Variants in TFEC observed in about 807,000 individuals in gnomAD.
TFEC encodes transcription factor EC.
TFEC carries 31 observed loss-of-function variants against 41.6 expected under a neutral mutation model. That is an observed-to-expected ratio of 0.74 (90% CI 0.56 to 1.01). The LOEUF is 1.01. Among genes scored for constraint, TFEC ranks in the 50% least tolerant of loss-of-function variants. TFEC has a pLI of 0.00. For synonymous variants in TFEC, 143 were observed against 140.6 expected (o/e 1.02, Z -0.12); for missense variants, 402 against 404.1 (o/e 0.99, Z 0.04).
At chr7:115,993,139 T>A (rs1490229831) in intron 1 of TFEC, among the ~76,000 whole-genome samples, 1 of 152,200 alleles carries the variant, frequency 6.6e-6, no homozygotes, top group Non-Finnish European at 1.5e-5. Flanking sequence ...AGAAAAGGCC[T>A]TTCACAAAAT....
intron 3 of TFEC, among the ~76,000 whole-genome samples, chr7:116,086,373 C>T (rs1797203184): frequency 6.6e-6 from 1 of 151,776 alleles, no homozygotes; most frequent in Admixed American, 6.6e-5. Context: ...GTGAGAAAAG[C>T]CAACTCCAAA....
chr7:116,008,752 C>T (rs1794895746), intron 1 of TFEC, among the ~76,000 whole-genome samples: 2 of 152,092 alleles, frequency 1.3e-5, no homozygotes, highest in South Asian at 2.1e-4. Flanking sequence ...ATTATACAGT[C>T]GAGCTTGTCT....
intron 1 of TFEC, among the ~76,000 whole-genome samples, chr7:116,119,629 T>G (rs1372785184): frequency 6.6e-6 from 1 of 151,902 alleles, no homozygotes; most frequent in African/African-American, 2.4e-5. Context: ...CACTAGCCAG[T>G]TAATATGGGA....
chr7:115,982,701 G>A (rs7781598), intron 2 of TFEC, among the ~76,000 whole-genome samples: 20,299 of 152,060 alleles, frequency 0.13, 1,475 homozygotes, highest in Middle Eastern at 0.18. Flanking sequence ...ATTGCCCCAA[G>A]GCCAGAGCAA....
chr7:116,063,274 G>A (rs1029519429), intron 3 of TFEC, among the ~76,000 whole-genome samples: 1 of 152,154 alleles, frequency 6.6e-6, no homozygotes, highest in Non-Finnish European at 1.5e-5. Context: ...AAAAGGCAGC[G>A]AAGGAAGATG....
intron 1 of TFEC, among the ~76,000 whole-genome samples, chr7:115,995,404 C>CAT (rs764852854): frequency 3.3e-5 from 5 of 151,718 alleles, no homozygotes; most frequent in Admixed American, 1.3e-4. Context: ...TATATACACA[C>CAT]ATATATATAT....
At chr7:116,033,987 A>G (rs547153033), upstream of TFEC, among the ~76,000 whole-genome samples, 1 of 152,246 alleles carries the variant, frequency 6.6e-6, no homozygotes, top group South Asian at 2.1e-4. Context: ...TGTCAGGACT[A>G]GCAATGACCT....
At chr7:116,048,789 G>C (rs1796234873) in intron 3 of TFEC, among the ~76,000 whole-genome samples, 1 of 152,206 alleles carries the variant, frequency 6.6e-6, no homozygotes, top group African/African-American at 2.4e-5. Flanking sequence ...TCTCTCAGCA[G>C]AAACTCTACA....
At chr7:115,956,453 T>C (rs973973466) in intron 4 of TFEC, among the ~76,000 whole-genome samples, 4 of 151,166 alleles carry the variant, frequency 2.6e-5, no homozygotes, top group Admixed American at 1.3e-4. Flanking sequence ...AAAACATATA[T>C]GTGCATTTGC....
chr7:116,136,367 T>C (rs1798433133), intron 1 of TFEC, among the ~76,000 whole-genome samples: 1 of 152,068 alleles, frequency 6.6e-6, no homozygotes, highest in African/African-American at 2.4e-5. Flanking sequence ...TTGATTAAAT[T>C]ATACTAGATT....
chr7:115,979,354 A>T (rs1034349883), intron 2 of TFEC, among the ~76,000 whole-genome samples: 7 of 151,976 alleles, frequency 4.6e-5, no homozygotes, highest in Non-Finnish European at 7.4e-5. Context: ...ACTGCTTCCC[A>T]TCTCTATTCT....
At chr7:116,086,926 T>C (rs1015644312) in intron 3 of TFEC, among the ~76,000 whole-genome samples, 1 of 151,978 alleles carries the variant, frequency 6.6e-6, no homozygotes, top group Non-Finnish European at 1.5e-5. Context: ...GATGTGATAG[T>C]TCTAAATCCA....
intron 3 of TFEC, among the ~76,000 whole-genome samples, chr7:115,965,186 G>C (rs1480587023): frequency 6.6e-6 from 1 of 151,648 alleles, no homozygotes; most frequent in Non-Finnish European, 1.5e-5. Flanking sequence ...GATAAGATCA[G>C]TAAATAGTTT....
exon 3 of TFEC, chr7:116,110,879 T>C (rs1011821413): frequency 7.1e-5 from 109 of 1,540,312 alleles, no homozygotes; most frequent in Non-Finnish European, 8.7e-5. Context: ...TCAGCTGAAA[T>C]TGAAGTCCAG....
At chr7:116,093,037 T>C (rs1380396239) in intron 3 of TFEC, among the ~76,000 whole-genome samples, 1 of 152,184 alleles carries the variant, frequency 6.6e-6, no homozygotes, top group Non-Finnish European at 1.5e-5. Flanking sequence ...GGGACTTGCA[T>C]CTCTTTCATT....
chr7:116,070,146 ATGTG>A (rs777262615), intron 3 of TFEC, among the ~76,000 whole-genome samples: 1 of 151,012 alleles, frequency 6.6e-6, no homozygotes. Context: ...ATATATGTAT[ATGTG>A]TGTGTGTGCG....
intron 1 of TFEC, among the ~76,000 whole-genome samples, chr7:116,002,722 C>T (rs570488670): frequency 7.0e-4 from 107 of 152,056 alleles, no homozygotes; most frequent in Non-Finnish European, 1.3e-3. Context: ...GATAGATACC[C>T]AATTTACCCT....
chr7:115,981,809 C>G (rs561523812), intron 2 of TFEC, among the ~76,000 whole-genome samples: 1 of 151,444 alleles, frequency 6.6e-6, no homozygotes, highest in African/African-American at 2.4e-5. Context: ...TCCAGACAAA[C>G]GGTCATGATC....
At chr7:116,057,536 G>A (rs915665127) in intron 3 of TFEC, among the ~76,000 whole-genome samples, 1 of 151,900 alleles carries the variant, frequency 6.6e-6, no homozygotes, top group African/African-American at 2.4e-5. Context: ...GTTTTAGACA[G>A]ACAGATATAT....
Sources: gnomAD v4.1 joint callset for allele counts (sites outside exome capture counted in the v4.1 genomes callset) on GRCh38, gnomAD v4.1.1 for gene constraint, MANE v1.5 for transcripts, NCBI Gene and HGNC (gene_info 2026-07-23, HGNC 2026-07-21) for gene names.